The following FHIT variants were observed in gnomAD, a reference collection of about 807,000 sequenced individuals.
The protein encoded by FHIT is bis(5'-adenosyl)-triphosphatase.
Under a neutral mutation model 17.9 loss-of-function variants are expected in FHIT, and 19 were observed. That is an observed-to-expected ratio of 1.06 (90% CI 0.74 to 1.56). The LOEUF is 1.56. FHIT is among the 40% of genes most tolerant of loss of function. FHIT has a pLI of 0.00. For missense variants in FHIT, 248 were observed against 189.2 expected, an observed-to-expected ratio of 1.31 and a Z score of -1.82; for synonymous variants, 81 against 69.7, an observed-to-expected ratio of 1.16 and a Z score of -0.81.
At chr3:60,091,704 T>C (rs1205568680) in intron 5 of FHIT, among the ~76,000 whole-genome samples, 1 of 152,096 alleles carries the variant, frequency 6.6e-6, no homozygotes, top group East Asian at 1.9e-4. Context: ...GTTCTCATGA[T>C]AGTAAGTTAC....
At chr3:60,584,436 CTG>C (rs2037844463) in intron 4 of FHIT, among the ~76,000 whole-genome samples, 1 of 151,970 alleles carries the variant, frequency 6.6e-6, no homozygotes, top group African/African-American at 2.4e-5. Context: ...GTGGCAGTAA[CTG>C]TGGGTTCAGG....
intron 5 of FHIT, among the ~76,000 whole-genome samples, chr3:60,127,094 T>C (rs1236724276): frequency 6.6e-6 from 1 of 152,170 alleles, no homozygotes. Flanking sequence ...CACTAGCTTC[T>C]ACTTGTGCAA....
At chr3:60,554,805 G>C (rs1353055212) in intron 4 of FHIT, among the ~76,000 whole-genome samples, 2 of 152,184 alleles carry the variant, frequency 1.3e-5, no homozygotes, top group African/African-American at 4.8e-5. Flanking sequence ...TTCTGCATAT[G>C]AGAGAAATTA....
At chr3:60,812,629 A>G (rs572903398) in intron 4 of FHIT, among the ~76,000 whole-genome samples, 1 of 152,318 alleles carries the variant, frequency 6.6e-6, no homozygotes, top group Admixed American at 6.5e-5. Context: ...CAGTACACGA[A>G]TTCTAACCCA....
intron 2 of FHIT, among the ~76,000 whole-genome samples, chr3:61,085,160 C>T (rs541370311): frequency 6.6e-5 from 10 of 152,204 alleles, no homozygotes; most frequent in African/African-American, 2.2e-4. Flanking sequence ...CATTTCAAGA[C>T]CTTGAAGTGG....
chr3:60,715,075 AC>A (rs1553706347), intron 4 of FHIT, among the ~76,000 whole-genome samples: 1 of 152,150 alleles, frequency 6.6e-6, no homozygotes, highest in African/African-American at 2.4e-5. Flanking sequence ...TGGTACTGGT[AC>A]CAAAACAGAG....
At chr3:59,975,308 A>G (rs1213586074) in intron 7 of FHIT, among the ~76,000 whole-genome samples, 3 of 152,236 alleles carry the variant, frequency 2.0e-5, no homozygotes, top group African/African-American at 7.2e-5. Context: ...TGAAGTGTTT[A>G]TCTTGGGCAA....
At chr3:60,473,749 T>A (rs2033205081) in intron 5 of FHIT, among the ~76,000 whole-genome samples, 1 of 151,960 alleles carries the variant, frequency 6.6e-6, no homozygotes, top group Admixed American at 6.6e-5. Context: ...TGAAACCCCG[T>A]CTCTACTAAA....
intron 4 of FHIT, among the ~76,000 whole-genome samples, chr3:60,762,379 T>C (rs1699687694): frequency 6.6e-6 from 1 of 152,192 alleles, no homozygotes; most frequent in Non-Finnish European, 1.5e-5. Flanking sequence ...ACACAGTTTG[T>C]TAGTGTTTGC....
intron 8 of FHIT, among the ~76,000 whole-genome samples, chr3:59,871,285 C>G (rs149602093): frequency 6.6e-6 from 1 of 152,240 alleles, no homozygotes; most frequent in East Asian, 1.9e-4. Flanking sequence ...TATCAGAGAG[C>G]ATCAATATTG....
intron 5 of FHIT, among the ~76,000 whole-genome samples, chr3:60,398,906 G>A (rs1041078742): frequency 5.3e-5 from 8 of 152,022 alleles, no homozygotes; most frequent in African/African-American, 1.9e-4. Flanking sequence ...ATTTATGTAT[G>A]CATATACACA....
chr3:60,498,141 G>GT (rs1392580898), intron 5 of FHIT, among the ~76,000 whole-genome samples: 1 of 152,138 alleles, frequency 6.6e-6, no homozygotes, highest in African/African-American at 2.4e-5. Context: ...CCAAGCCATA[G>GT]TTTCGCCAAC....
chr3:60,790,928 C>T (rs1700756973), intron 4 of FHIT, among the ~76,000 whole-genome samples: 1 of 152,186 alleles, frequency 6.6e-6, no homozygotes, highest in African/African-American at 2.4e-5. Context: ...AACCTCTGTA[C>T]TGTACTTTCT....
chr3:60,210,100 C>A (rs1227042070), intron 5 of FHIT, among the ~76,000 whole-genome samples: 3 of 151,430 alleles, frequency 2.0e-5, no homozygotes, highest in African/African-American at 4.9e-5. Flanking sequence ...AAACAAAAAC[C>A]AAAAAAAAGT....
intron 5 of FHIT, among the ~76,000 whole-genome samples, chr3:60,391,623 C>T (rs1701237216): frequency 6.6e-6 from 1 of 152,160 alleles, no homozygotes; most frequent in African/African-American, 2.4e-5. Flanking sequence ...CAAATACTTA[C>T]CATTGTGTTA....
At chr3:59,927,472 A>C (rs10155038) in intron 7 of FHIT, among the ~76,000 whole-genome samples, 13 of 146,688 alleles carry the variant, frequency 8.9e-5, no homozygotes, top group African/African-American at 3.2e-4. Context: ...TTAAAAAAAA[A>C]AAAAAAAACT....
At chr3:60,861,987 G>A (rs931916540) in intron 3 of FHIT, among the ~76,000 whole-genome samples, 19 of 147,190 alleles carry the variant, frequency 1.3e-4, no homozygotes, top group African/African-American at 2.5e-4. Context: ...TGGTAACCTA[G>A]AATAAAATGA....
chr3:60,521,172 T>A (rs2035344115), intron 5 of FHIT, among the ~76,000 whole-genome samples: 1 of 152,094 alleles, frequency 6.6e-6, no homozygotes, highest in Admixed American at 6.5e-5. Flanking sequence ...GCTACCATTA[T>A]ATAATGTCCA....
chr3:60,515,582 A>C (rs2035122325), intron 5 of FHIT, among the ~76,000 whole-genome samples: 2 of 151,884 alleles, frequency 1.3e-5, no homozygotes, highest in South Asian at 2.1e-4. Context: ...AATTTAAAAA[A>C]AAAAAAAAAA....
Sources: allele counts gnomAD v4.1 joint callset (sites outside exome capture counted in the v4.1 genomes callset), GRCh38; gene constraint gnomAD v4.1.1; transcripts MANE v1.5; gene names NCBI Gene and HGNC (gene_info 2026-07-23, HGNC 2026-07-21).